The following ITGBL1 variants were observed in gnomAD, a reference collection of about 807,000 sequenced individuals.
ITGBL1 encodes the protein integrin subunit beta like 1, also known as integrin beta-like protein 1.
In ITGBL1, 51 loss-of-function variants were observed where a neutral mutation model predicts 68.5. The ratio of observed to expected loss-of-function variants is 0.74; its 90% CI spans 0.59 to 0.94. The LOEUF (loss-of-function observed/expected upper bound fraction) is 0.94, where lower values mean the gene tolerates loss of function less well. ITGBL1 is among the 40% of genes least tolerant of loss of function. ITGBL1 has a pLI of 0.00. For missense variants in ITGBL1, 649 were observed against 647.4 expected (o/e 1.00, Z -0.03); for synonymous variants, 209 against 227.3 (o/e 0.92, Z 0.72).
Position 101,452,938 on chromosome 13 carries a change from T to C in ITGBL1, c.98+7T>C. 6.2e-7 allele frequency: 1 copy of C among 1,613,330 alleles called. No individual in the cohort carries two copies. On this transcript the variant is annotated splice_region_variant and intron_variant, in intron 1 of 10. Coordinates refer to ENST00000376180, the MANE Select transcript of ITGBL1 (RefSeq NM_004791.3). ...GCTTCTCGCCATCTCTGAGGTAAGT[T>C]TGGTTTGTTATTCTTCAGTACAGAC...
At chr13:101,688,086 G>T (rs9518493) in intron 7 of ITGBL1, among the ~76,000 whole-genome samples, 28,930 of 151,938 alleles carry the variant, frequency 0.19, 3,517 homozygotes, top group Admixed American at 0.29. Flanking sequence ...AAAAGAAAAA[G>T]ATTGGACTCA....
intron 7 of ITGBL1, among the ~76,000 whole-genome samples, chr13:101,685,304 G>T (rs1208182140): frequency 6.6e-6 from 1 of 151,912 alleles, no homozygotes; most frequent in African/African-American, 2.4e-5. Flanking sequence ...TGATATTTTT[G>T]TACATGAAAC....
intron 3 of ITGBL1, among the ~76,000 whole-genome samples, chr13:101,573,712 T>A (rs1594898194): frequency 6.6e-6 from 1 of 152,156 alleles, no homozygotes; most frequent in South Asian, 2.1e-4. Context: ...CCTTTAAAAA[T>A]GCATAGCTCA....
chr13:101,713,910 G>C (rs1403673974), intron 9 of ITGBL1: 3 of 152,888 alleles, frequency 2.0e-5, no homozygotes, highest in Non-Finnish European at 4.4e-5. Context: ...GTGACTGTAT[G>C]CATTTTTAGC....
intron 4 of ITGBL1, among the ~76,000 whole-genome samples, chr13:101,577,145 C>CAA (rs562289340): frequency 8.6e-4 from 131 of 152,264 alleles, no homozygotes; most frequent in Non-Finnish European, 1.5e-3. Flanking sequence ...TTTCATGGTG[C>CAA]AAAGTCTCTG....
intron 2 of ITGBL1, among the ~76,000 whole-genome samples, chr13:101,467,272 C>G (rs1028699428): frequency 6.6e-6 from 1 of 152,036 alleles, no homozygotes; most frequent in Non-Finnish European, 1.5e-5. Context: ...ATCAGTGGGA[C>G]GGGGATATTG....
rs1186713397 is a variant in ITGBL1 at position 101,709,137 on chromosome 13, G to A, written c.1279+2235G>A. Among the ~76,000 whole-genome samples the A allele has an allele frequency of 5.3e-5, 8 of 151,370 alleles. No individual in the cohort carries two copies. In the East Asian group the frequency reaches 5.8e-4, roughly 11 times the overall value. ...TCCCAGCACTTTGGGAGGCCGAGGCGGGTGGATCATGAGGTCAGGAGATCG... is the reference window on the plus strand; with the variant it reads ...TCCCAGCACTTTGGGAGGCCGAGGCAGGTGGATCATGAGGTCAGGAGATCG... On this transcript the variant is annotated intron_variant, in intron 9 of 10. Transcript: ENST00000376180.
intron 6 of ITGBL1, among the ~76,000 whole-genome samples, chr13:101,596,981 G>T (rs1420568578): frequency 1.3e-5 from 2 of 152,150 alleles, no homozygotes; most frequent in Admixed American, 1.3e-4. Context: ...AAATTACTGT[G>T]TATGAGTAGT....
chr13:101,599,142 A>G (rs1054643726), intron 7 of ITGBL1, among the ~76,000 whole-genome samples: 2 of 151,834 alleles, frequency 1.3e-5, no homozygotes, highest in African/African-American at 4.8e-5. Flanking sequence ...CTGGTGTGAG[A>G]TGGTATCTCA....
intron 7 of ITGBL1, among the ~76,000 whole-genome samples, chr13:101,674,739 C>A (rs182010786): frequency 6.6e-6 from 1 of 151,750 alleles, no homozygotes; most frequent in Admixed American, 6.6e-5. Flanking sequence ...TGATTTGTAA[C>A]CTCCTTTTCC....
intron 2 of ITGBL1, among the ~76,000 whole-genome samples, chr13:101,460,790 A>AAGGAGC (rs2048307678): frequency 2.6e-5 from 4 of 151,840 alleles, no homozygotes; most frequent in Non-Finnish European, 5.9e-5. Context: ...ATGGCAAGAG[A>AAGGAGC]TAGAGGGAGG....
intron 2 of ITGBL1, among the ~76,000 whole-genome samples, chr13:101,532,372 T>A (rs1223139874): frequency 6.6e-6 from 1 of 152,228 alleles, no homozygotes; most frequent in East Asian, 1.9e-4. Flanking sequence ...TCCTAGTTGT[T>A]CTGCTTAATA....
chr13:101,464,495 A>G (rs1038061719), intron 2 of ITGBL1, among the ~76,000 whole-genome samples: 13 of 151,944 alleles, frequency 8.6e-5, no homozygotes, highest in African/African-American at 3.1e-4. Context: ...ATGTATATGT[A>G]TACATAGAAG....
At chr13:101,622,761 T>C (rs759982825) in intron 7 of ITGBL1, among the ~76,000 whole-genome samples, 2 of 152,186 alleles carry the variant, frequency 1.3e-5, no homozygotes, top group African/African-American at 4.8e-5. Context: ...TGGATTCTTA[T>C]GTAGTTAGAG....
Position 101,647,910 on chromosome 13 carries a change from G to A in ITGBL1, c.1016-44675G>A, listed in dbSNP as rs1223192280. On this transcript the variant is annotated intron_variant, in intron 7 of 10. Coordinates refer to ENST00000376180, the MANE Select transcript of ITGBL1 (RefSeq NM_004791.3). ...GTGACTAACAAATTGATTAGAACTG[G>A]TGGGAGCGCTGGTGTGCTTGGAAAA... 3.9e-5 allele frequency among the ~76,000 whole-genome samples: 6 copies of A among 152,268 alleles called. No individual in the cohort carries two copies. The East Asian group carries it at 1.2e-3, about 29-fold the overall frequency.
At chr13:101,518,241 A>G (rs1184051331) in intron 2 of ITGBL1, among the ~76,000 whole-genome samples, 2 of 152,156 alleles carry the variant, frequency 1.3e-5, no homozygotes, top group Non-Finnish European at 2.9e-5. Flanking sequence ...AAAATCATGC[A>G]TTTTTGTCCT....
intron 2 of ITGBL1, among the ~76,000 whole-genome samples, chr13:101,540,277 C>T (rs2049669607): frequency 6.6e-6 from 1 of 152,128 alleles, no homozygotes; most frequent in Non-Finnish European, 1.5e-5. Context: ...ATATGGCTAG[C>T]CAGTTTTCCC....
At chr13:101,492,783 C>G (rs1173193489) in intron 2 of ITGBL1, among the ~76,000 whole-genome samples, 1 of 152,310 alleles carries the variant, frequency 6.6e-6, no homozygotes, top group African/African-American at 2.4e-5. Flanking sequence ...ACAATCCTTT[C>G]TCTTGGCTCT....
In ITGBL1 at chr13:101,552,529, C is replaced by A. The variant is rs556009977; in HGVS notation, c.317-15170C>A. ...ATCTTGTTTTGTAGGAAAACTCTTG[C>A]CTTCAAGTCCTTCTATTGGCTTTCA... On this transcript the variant is annotated intron_variant, in intron 2 of 10. Transcript: ENST00000376180. Among the ~76,000 whole-genome samples the A allele has an allele frequency of 4.5e-4, 69 of 152,262 alleles. 1 individual carries two copies. The highest frequency in any genetic ancestry group is 1.4e-3 in the African/African-American group (59 of 41,552).
Sources: allele counts gnomAD v4.1 joint callset (sites outside exome capture counted in the v4.1 genomes callset), GRCh38; gene constraint gnomAD v4.1.1; transcripts MANE v1.5; gene names NCBI Gene and HGNC (gene_info 2026-07-23, HGNC 2026-07-21).